Variants in GALNT8 observed in about 807,000 individuals in gnomAD.
The protein encoded by GALNT8 is probable polypeptide N-acetylgalactosaminyltransferase 8.
In GALNT8, 66 loss-of-function variants were observed where a neutral mutation model predicts 62.7. That is an observed-to-expected ratio of 1.05 (90% CI 0.86 to 1.29). The LOEUF (loss-of-function observed/expected upper bound fraction) is 1.29, where lower values mean the gene tolerates loss of function less well. Among genes scored for constraint, GALNT8 ranks in the 50% most tolerant of loss-of-function variants. The probability of loss-of-function intolerance (pLI) is 0.00; values close to 1 mark genes in which losing one functional copy is unlikely to be tolerated. For missense variants in GALNT8, 771 were observed against 791.8 expected (o/e 0.97, Z 0.32); for synonymous variants, 288 against 294.3 (o/e 0.98, Z 0.22).
rs11503126 is a variant in GALNT8, at chr12:4,749,298, A to G, written c.1173+3040A>G. Among the ~76,000 whole-genome samples, 1,219 of 152,228 alleles carry G rather than the reference A, an allele frequency of 8.0e-3. 17 individuals are homozygous for G. The highest frequency in any genetic ancestry group is 0.028 in the African/African-American group (1,152 of 41,556). On this transcript the variant is annotated intron_variant, in intron 6 of 10. Coordinates refer to ENST00000252318, the MANE Select transcript of GALNT8 (RefSeq NM_017417.2). The surrounding 1 kb of genome is among the most constrained non-coding windows in gnomAD (Gnocchi z 4.1). The stretch of plus-strand genomic sequence containing the variant: ...TGTCATGTTCCAGATCTTAGAGGAA[A>G]GGCTTTCAGTTATGTTAAGGTATGT...
Position 4,720,634 on chromosome 12 carries a change from G to T in GALNT8, c.-44G>T. The T allele has an allele frequency of 8.2e-7, 1 of 1,217,038 alleles. No individual in the cohort carries two copies. Among genetic ancestry groups the T allele is most frequent in the South Asian group, 1.2e-5 (1 of 83,150 alleles). The allele number at this position is 1,217,038 out of a possible 1,614,324, so 75.4% of individuals were successfully genotyped here. Reference sequence around the variant, plus strand: ...CTGATTCTTAACCTGCTCCAGCAGTGACACACTCAGTCCCACAGGGAGTGG... The same window carrying T: ...CTGATTCTTAACCTGCTCCAGCAGTTACACACTCAGTCCCACAGGGAGTGG... On this transcript the variant is annotated 5_prime_UTR_variant, in exon 1 of 11. Coordinates refer to ENST00000252318, the MANE Select transcript of GALNT8 (RefSeq NM_017417.2).
rs754755384 is a variant in GALNT8, at chr12:4,749,434, C to T, written c.1173+3176C>T. Among the ~76,000 whole-genome samples, 1 of 152,058 alleles carries T rather than the reference C, an allele frequency of 6.6e-6. No homozygotes were observed. The highest frequency in any genetic ancestry group is 1.5e-5 in the Non-Finnish European group (1 of 67,984). ...TGATCACATGGTTTTTGTCTTTCAT[C>T]CTGTTAATATGATGTTTCACATTGA... is the stretch of plus-strand genomic sequence containing the variant. On this transcript the variant is annotated intron_variant, in intron 6 of 10. Transcript: ENST00000252318. This position sits in a 1 kb window ranked among gnomAD's most constrained non-coding sequence, Gnocchi z 4.1.
At chr12:4,721,103 G>T (rs1946165955) in intron 1 of GALNT8, among the ~76,000 whole-genome samples, 1 of 152,084 alleles carries the variant, frequency 6.6e-6, no homozygotes, top group Non-Finnish European at 1.5e-5. Context: ...AGCAGTATGG[G>T]GGAGGTGAGC....
chr12:4,729,547 C>T (rs935954370), intron 2 of GALNT8, among the ~76,000 whole-genome samples: 1 of 152,082 alleles, frequency 6.6e-6, no homozygotes, highest in African/African-American at 2.4e-5. Flanking sequence ...ATTTCTGTTC[C>T]TTGCTTATTT....
chr12:4,728,296 T>C (rs752321276), intron 2 of GALNT8, among the ~76,000 whole-genome samples: 3 of 152,092 alleles, frequency 2.0e-5, no homozygotes, highest in Non-Finnish European at 4.4e-5. Flanking sequence ...TTGTTAATGA[T>C]TTCTTTCATT....
intron 8 of GALNT8, 81 bp downstream of exon 8, chr12:4,763,471 T>C: frequency 8.3e-7 from 1 of 1,202,614 alleles, no homozygotes; most frequent in Non-Finnish European, 1.2e-6. Flanking sequence ...TGATTGCCTG[T>C]CCTGCCCAAG....
intron 10 of GALNT8, among the ~76,000 whole-genome samples, chr12:4,767,127 A>G (rs1387544827): frequency 2.6e-5 from 4 of 152,096 alleles, no homozygotes; most frequent in Admixed American, 2.0e-4. Context: ...CACCAGGCCA[A>G]CTACAAAGTG....
chr12:4,733,773 A>T (rs1946230979), intron 2 of GALNT8, among the ~76,000 whole-genome samples: 1 of 152,186 alleles, frequency 6.6e-6, no homozygotes, highest in Non-Finnish European at 1.5e-5. Flanking sequence ...AGGTGATTTT[A>T]TCCACTTACG....
At position 4,758,606 on chromosome 12, in the gene GALNT8, CTGTGTGTG is replaced by C. The variant is rs67025688; in HGVS notation, c.1174-2327_1174-2320del. Among the ~76,000 whole-genome samples the C allele has an allele frequency of 2.7e-3, 305 of 113,620 alleles. 2 individuals carry two copies. The highest frequency in any genetic ancestry group is 7.4e-3 in the Admixed American group (83 of 11,150). The allele number at this position is 113,620 out of a possible 152,430, so 74.5% of individuals were successfully genotyped here. On this transcript the variant is annotated intron_variant, in intron 6 of 10. Transcript: ENST00000252318. The stretch of plus-strand genomic sequence containing the variant: ...TATTATCAGCAGAAGCTTAATGTCT[CTGTGTGTG>C]TGTGTGTGTGTGTGTGTGTGTGTGA...
chr12:4,733,477 G>A (rs570846400), intron 2 of GALNT8, among the ~76,000 whole-genome samples: 1 of 152,320 alleles, frequency 6.6e-6, no homozygotes, highest in South Asian at 2.1e-4. Flanking sequence ...AAGATGCACA[G>A]GAAACAGGGC....
chr12:4,763,158 G>A, intron 7 of GALNT8, 95 bp from the exon 8 acceptor site: 1 of 987,988 alleles, frequency 1.0e-6, no homozygotes, highest in East Asian at 2.4e-5. Context: ...GGACTCACAT[G>A]CAGAAATATG....
intron 6 of GALNT8, among the ~76,000 whole-genome samples, chr12:4,747,322 ATTCT>A (rs1172436387): frequency 6.6e-6 from 1 of 152,080 alleles, no homozygotes; most frequent in Non-Finnish European, 1.5e-5. Context: ...TGTCTTATTC[ATTCT>A]TTGTGACTAT....
chr12:4,744,505 C>G lies in GALNT8; in HGVS notation c.677-12C>G, dbSNP rs375495880. 4 of 1,588,490 alleles carry G rather than the reference C, an allele frequency of 2.5e-6. No homozygotes were observed. Among genetic ancestry groups the G allele is most frequent in the Non-Finnish European group, 3.4e-6 (4 of 1,163,956 alleles). ...CACTCAGAATTTCTATAGGTGTGCA[C>G]TTGATTGACAGGAGAACTAAAGGTA... On this transcript the variant is annotated splice_polypyrimidine_tract_variant and intron_variant, in intron 3 of 10. Coordinates refer to ENST00000252318, the MANE Select transcript of GALNT8 (RefSeq NM_017417.2).
chr12:4,724,403 A>T (rs886268234), intron 1 of GALNT8, among the ~76,000 whole-genome samples: 3 of 152,142 alleles, frequency 2.0e-5, no homozygotes, highest in African/African-American at 7.2e-5. Flanking sequence ...GTGACACTGT[A>T]TTCATACTAC....
At chr12:4,772,162 G>T (rs890032116) in intron 10 of GALNT8, among the ~76,000 whole-genome samples, 1 of 152,216 alleles carries the variant, frequency 6.6e-6, no homozygotes, top group Non-Finnish European at 1.5e-5. Flanking sequence ...TTCGTTCCAT[G>T]GTAGTCAGTA....
chr12:4,759,275 G>T (rs529895793), intron 6 of GALNT8, among the ~76,000 whole-genome samples: 2 of 152,116 alleles, frequency 1.3e-5, no homozygotes, highest in East Asian at 3.9e-4. Context: ...GATTCTGGGG[G>T]CCAATGAGGA....
intron 6 of GALNT8, among the ~76,000 whole-genome samples, chr12:4,759,927 G>A (rs143679993): frequency 4.6e-5 from 7 of 152,300 alleles, no homozygotes; most frequent in Non-Finnish European, 7.4e-5. Flanking sequence ...TAGAATGTGT[G>A]TTTTGATTAG....
At position 4,763,997 on chromosome 12, in the gene GALNT8, G is replaced by C. The variant is rs1468556; in HGVS notation, c.1543G>C (p.Val515Leu). The C allele has an allele frequency of 6.3e-7, 1 of 1,599,648 alleles. No homozygotes were observed. The highest frequency in any genetic ancestry group is 8.6e-7 in the Non-Finnish European group (1 of 1,166,818). ...AAATGTCTGCTTGGATCAGGGACCC[G>C]TTCCAGGCAACACCCCCATCATGTA... is the stretch of plus-strand genomic sequence containing the variant. ...DENVCLDQGP[V>L]PGNTPIMYYC... Residue 515 changes from valine to leucine, a missense_variant, in exon 9 of 11, where the codon GTT becomes CTT. Val to Leu is a conservative substitution (Grantham distance 32). Coordinates refer to ENST00000252318, the MANE Select transcript of GALNT8 (RefSeq NM_017417.2).
Position 4,745,587 on chromosome 12 carries a change from A to G in GALNT8, c.1019A>G (p.Gln340Arg), listed in dbSNP as rs767356616. ...TGGTGCCGCTACGATGCACTGCCACAAGCCTGGATTGATCTGCATGATGTC... is the reference window on the plus strand; with the variant it reads ...TGGTGCCGCTACGATGCACTGCCACGAGCCTGGATTGATCTGCATGATGTC... ...ELWCRYDALP[Q>R]AWIDLHDVTA... Residue 340 changes from glutamine to arginine, a missense_variant, in exon 5 of 11, where the codon CAA becomes CGA. Gln to Arg is a conservative substitution (Grantham distance 43). Coordinates refer to ENST00000252318, the MANE Select transcript of GALNT8 (RefSeq NM_017417.2). The G allele has an allele frequency of 7.4e-6, 12 of 1,614,080 alleles. No individual in the cohort carries two copies. Among genetic ancestry groups the G allele is most frequent in the South Asian group, 1.1e-5 (1 of 91,084 alleles).
Sources: gnomAD v4.1 joint callset for allele counts (sites outside exome capture counted in the v4.1 genomes callset) on GRCh38, gnomAD v4.1.1 for gene constraint, Gnocchi (gnomAD v3.1) non-coding constraint, MANE v1.5 for transcripts, NCBI Gene and HGNC (gene_info 2026-07-23, HGNC 2026-07-21) for gene names.